The following DIO1 variants were observed in gnomAD, a reference collection of about 807,000 sequenced individuals.
The protein encoded by DIO1 is type I iodothyronine deiodinase.
DIO1 carries 17 observed loss-of-function variants against 25.9 expected under a neutral mutation model. The observed-to-expected ratio is 0.66, with a 90% confidence interval of 0.45 to 0.98. The LOEUF (loss-of-function observed/expected upper bound fraction) is 0.98, where lower values mean the gene tolerates loss of function less well. Among genes scored for constraint, DIO1 ranks in the 50% least tolerant of loss-of-function variants. The pLI, the probability that DIO1 is intolerant of heterozygous loss-of-function variation, is 0.00. For missense variants in DIO1, 270 were observed against 310.4 expected (o/e 0.87, Z 0.98); for synonymous variants, 115 against 114.0 (o/e 1.01, Z -0.05).
rs986587691 is a variant in DIO1, at chr1:53,909,933, T to C, written c.684T>C (p.Gly228=). Residue 228 remains glycine, a splice_region_variant and synonymous_variant, in exon 4 of 4, where the codon GGT becomes GGC. Coordinates refer to ENST00000361921, the MANE Select transcript of DIO1 (RefSeq NM_000792.7). ...TGCCTGATTCGTTTCTCTTGCAGGG[T>C]AAATCTGGCCCTTGGAACTACAACC... The part of the protein sequence containing the change: ...IIQEGRILYK[G]KSGPWNYNPE... 6.2e-7 allele frequency: 1 copy of C among 1,614,156 alleles called. No individual in the cohort carries two copies. The highest frequency in any genetic ancestry group is 1.3e-5 in the African/African-American group (1 of 75,042).
intron 1 of DIO1, among the ~76,000 whole-genome samples, chr1:53,904,299 A>G (rs968716610): frequency 1.3e-5 from 2 of 152,206 alleles, no homozygotes; most frequent in African/African-American, 4.8e-5. Context: ...TTCTTTGTCT[A>G]TAAAATGGGG....
At chr1:53,907,911 C>CG (rs201690172) in intron 3 of DIO1, among the ~76,000 whole-genome samples, 3 of 90,832 alleles carry the variant, frequency 3.3e-5, no homozygotes, top group Admixed American at 1.3e-4. Context: ...AACTCTGTCT[C>CG]GGAAAAAAAA....
chr1:53,908,565 T>C (rs758520631), intron 3 of DIO1, among the ~76,000 whole-genome samples: 2 of 152,112 alleles, frequency 1.3e-5, no homozygotes, highest in Non-Finnish European at 2.9e-5. Context: ...GGGGCAGCAA[T>C]TGCTTGGGCC....
chr1:53,902,595 A>T (rs939524709), intron 1 of DIO1, among the ~76,000 whole-genome samples: 2 of 151,852 alleles, frequency 1.3e-5, no homozygotes, highest in Non-Finnish European at 2.9e-5. Context: ...GCCATGTCAC[A>T]GTGCAAGACT....
At chr1:53,899,505 C>T (rs1651247364) in intron 1 of DIO1, among the ~76,000 whole-genome samples, 1 of 152,162 alleles carries the variant, frequency 6.6e-6, no homozygotes, top group African/African-American at 2.4e-5. Flanking sequence ...TTAGTTTAAA[C>T]TTTGCCCTCA....
chr1:53,905,363 C>CA (rs1413595739), intron 2 of DIO1, among the ~76,000 whole-genome samples: 2 of 151,850 alleles, frequency 1.3e-5, no homozygotes, highest in Admixed American at 6.6e-5. Context: ...TTTGTAGAAA[C>CA]AGAGTTTCAC....
Position 53,910,031 on chromosome 1 carries a change from A to G in DIO1, c.*32A>G. 1 of 1,594,826 alleles carries G rather than the reference A, an allele frequency of 6.3e-7. No homozygotes were observed. Among genetic ancestry groups the G allele is most frequent in the South Asian group, 1.1e-5 (1 of 90,718 alleles). On this transcript the variant is annotated 3_prime_UTR_variant, in exon 4 of 4. Coordinates refer to ENST00000361921, the MANE Select transcript of DIO1 (RefSeq NM_000792.7). ...CAGATACCTCAATTCTAGGTGACCA[A>G]CGGGAGGGCTTCTCAAGGCTTAGCT...
intron 1 of DIO1, among the ~76,000 whole-genome samples, chr1:53,901,960 C>T (rs1651391140): frequency 6.6e-6 from 1 of 152,094 alleles, no homozygotes; most frequent in South Asian, 2.1e-4. Flanking sequence ...GCTTTATATT[C>T]CTATGATAGC....
rs1553158185 is a variant in DIO1 at position 53,902,997 on chromosome 1, T to TTCCACAGCCTCCCTGCCCC, written c.338-1664_338-1646dup. 73 of 150,746 alleles carry TTCCACAGCCTCCCTGCCCC rather than the reference T, an allele frequency of 4.8e-4. 2 individuals are homozygous for TTCCACAGCCTCCCTGCCCC. The highest frequency in any genetic ancestry group is 1.6e-3 in the African/African-American group (63 of 40,570). The allele number at this position is 150,746 out of a possible 1,614,324, so 9.3% of individuals were successfully genotyped here. A position where few individuals can be genotyped will look rare whatever the true frequency, so the allele number is the denominator to read the frequency against. On this transcript the variant is annotated intron_variant, in intron 1 of 3. Transcript: ENST00000361921. ...GCCTCTGCTTGCACAGGCTCCTGCC[T>TTCCACAGCCTCCCTGCCCC]TCCACAGCCTCCCTGCCCCTCCAGG...
intron 3 of DIO1, among the ~76,000 whole-genome samples, chr1:53,908,199 G>A (rs1651757837): frequency 1.3e-5 from 2 of 151,822 alleles, no homozygotes; most frequent in South Asian, 4.2e-4. Context: ...TCCAGTCTTG[G>A]CAACAGAGCG....
intron 3 of DIO1, 81 bp from the exon 4 acceptor site, chr1:53,909,850 C>A: frequency 1.4e-6 from 2 of 1,385,980 alleles, no homozygotes; most frequent in Non-Finnish European, 2.1e-6. Flanking sequence ...CCACCTCTTG[C>A]AACTAACCTC....
chr1:53,907,631 G>C (rs1377452062), intron 3 of DIO1, among the ~76,000 whole-genome samples: 1 of 152,152 alleles, frequency 6.6e-6, no homozygotes, highest in Non-Finnish European at 1.5e-5. Context: ...CTCATACCTA[G>C]CCGGGTGCAG....
At chr1:53,897,689 A>G (rs917601352) in intron 1 of DIO1, among the ~76,000 whole-genome samples, 8 of 151,838 alleles carry the variant, frequency 5.3e-5, no homozygotes, top group African/African-American at 1.9e-4. Flanking sequence ...CTGTCTCTAC[A>G]AAATATTTAA....
At position 53,904,790 on chromosome 1, in the gene DIO1, T is replaced by G. The variant is rs776536362; in HGVS notation, c.462T>G (p.Ile154Met). 6.2e-7 allele frequency: 1 copy of G among 1,612,530 alleles called. No homozygotes were observed. The highest frequency in any genetic ancestry group is 8.5e-7 in the Non-Finnish European group (1 of 1,179,332). Reference sequence around the variant, plus strand: ...TAGCAGATTTTCTTGTCATTTACATTGAAGAAGCACATGCATCAGGTACAG... The same window carrying G: ...TAGCAGATTTTCTTGTCATTTACATGGAAGAAGCACATGCATCAGGTACAG... ...SSIADFLVIY[I>M]EEAHASDGWA... The change falls in exon 2 of 4, where the codon ATT becomes ATG. Residue 154 changes from isoleucine to methionine, a missense_variant. Transcript: ENST00000361921.
At chr1:53,907,954 T>A (rs2100782297) in intron 3 of DIO1, among the ~76,000 whole-genome samples, 1 of 142,810 alleles carries the variant, frequency 7.0e-6, no homozygotes, top group East Asian at 2.1e-4. Flanking sequence ...CCGGGCGCAG[T>A]GGCTCATGCC....
intron 2 of DIO1, among the ~76,000 whole-genome samples, chr1:53,905,370 T>C (rs1167343930): frequency 1.3e-5 from 2 of 152,008 alleles, no homozygotes; most frequent in Non-Finnish European, 2.9e-5. Context: ...AAACAGAGTT[T>C]CACCATGTTA....
chr1:53,906,173 T>C lies in DIO1; in HGVS notation c.560T>C (p.Leu187Pro). Residue 187 changes from leucine (L) to proline (P), a missense_variant, in exon 3 of 4, where the codon CTG (leucine) becomes CCG (proline). By Grantham distance (98) the Leu-to-Pro change is moderately conservative (BLOSUM62 -3). Transcript: ENST00000361921. ...GATCGCCTGCAGGCAGCCCATCTAC[T>C]GCTGGCCAGGAGCCCCCAGTGCCCT... ...LQDRLQAAHL[L>P]LARSPQCPVV... The C allele has an allele frequency of 6.2e-7, 1 of 1,614,206 alleles. No individual in the cohort carries two copies. The highest frequency in any genetic ancestry group is 8.5e-7 in the Non-Finnish European group (1 of 1,180,042).
At chr1:53,906,359 G>A (rs74805139) in intron 3 of DIO1, 65 bp downstream of exon 3, 28 of 1,415,548 alleles carry the variant, frequency 2.0e-5, no homozygotes, top group Admixed American at 6.0e-5. Flanking sequence ...AGGGCAAAGA[G>A]AAGGCTTTGC....
At chr1:53,906,810 C>G (rs1026403706) in intron 3 of DIO1, among the ~76,000 whole-genome samples, 11 of 152,164 alleles carry the variant, frequency 7.2e-5, no homozygotes, top group African/African-American at 2.7e-4. Flanking sequence ...GCGCACACCA[C>G]GCCCAGCTAA....
Sources: gnomAD v4.1 joint callset for allele counts (sites outside exome capture counted in the v4.1 genomes callset) on GRCh38, gnomAD v4.1.1 for gene constraint, MANE v1.5 for transcripts, NCBI Gene and HGNC (gene_info 2026-07-23, HGNC 2026-07-21) for gene names.